KIAA1217: variants seen among roughly 807,000 people sequenced by gnomAD.
The protein encoded by KIAA1217 is sickle tail protein homolog.
In KIAA1217, 88 loss-of-function variants were observed where a neutral mutation model predicts 163.9. The ratio of observed to expected loss-of-function variants is 0.54; its 90% confidence interval spans 0.45 to 0.64. The LOEUF (loss-of-function observed/expected upper bound fraction) is 0.64. KIAA1217 is among the 30% of genes least tolerant of loss of function. The pLI, the probability that KIAA1217 is intolerant of heterozygous loss-of-function variation, is 0.00. For synonymous variants in KIAA1217, 903 were observed against 923.1 expected (o/e 0.98, Z 0.39); for missense variants, 2,372 against 2,475.0 (o/e 0.96, Z 0.88).
chr10:24,177,258 CATATATATATATATATATATATATAT>C lies in KIAA1217; in HGVS notation c.-170-42353_-170-42328del, dbSNP rs1210930891. Among the ~76,000 whole-genome samples, 3 of 25,146 alleles carry C rather than the reference CATATATATATATATATATATATATAT, an allele frequency of 1.2e-4. 1 individual carries two copies. The allele number at this position is 25,146 out of a possible 152,430, so 16.5% of individuals were successfully genotyped here. A position where few individuals can be genotyped will look rare whatever the true frequency, so the allele number is the denominator to read the frequency against. On this transcript the variant is annotated intron_variant, in intron 2 of 18. Transcript: ENST00000376462. ...CTAGCACGTTTTCACCTCTCACCAT[CATATATATATATATATATATATATAT>C]ATATATATATATATTACAATTTCTT...
intron 3 of KIAA1217, among the ~76,000 whole-genome samples, chr10:24,423,935 T>A (rs16924739): frequency 6.6e-6 from 1 of 152,156 alleles, no homozygotes; most frequent in Non-Finnish European, 1.5e-5. Flanking sequence ...AAGTCTTACA[T>A]TGTCCTCAAG....
chr10:24,068,150 C>G (rs1330634251), intron 2 of KIAA1217, among the ~76,000 whole-genome samples: 1 of 152,166 alleles, frequency 6.6e-6, no homozygotes, highest in Non-Finnish European at 1.5e-5. Context: ...ACCCACTGTC[C>G]TGCACCCACT....
Position 24,531,884 on chromosome 10 carries a change from C to T in KIAA1217, c.3137C>T (p.Pro1046Leu). The T allele has an allele frequency of 6.2e-7, 1 of 1,608,654 alleles. No homozygotes were observed. The highest frequency in any genetic ancestry group is 1.1e-5 in the South Asian group (1 of 90,086). Residue 1046 changes from proline to leucine, a missense_variant, in exon 15 of 21, where the codon CCT becomes CTT. Physicochemically the swap from Pro to Leu is moderately conservative, Grantham distance 98. Transcript: ENST00000376454. ...GAAAAGCTGGGGGGAAAGTCGCCCC[C>T]TCCTCCTCCGCCACCTCCTCGTCGA... ...DLEKLGGKSP[P>L]PPPPPPRRSY...
At chr10:23,813,547 A>G (rs1291786624) in intron 1 of KIAA1217, among the ~76,000 whole-genome samples, 1 of 152,124 alleles carries the variant, frequency 6.6e-6, no homozygotes, top group Non-Finnish European at 1.5e-5. Flanking sequence ...ATTATTCAAA[A>G]TATTTGGAAA....
chr10:23,718,069 A>G (rs891462184), intron 1 of KIAA1217, among the ~76,000 whole-genome samples: 1 of 152,196 alleles, frequency 6.6e-6, no homozygotes, highest in African/African-American at 2.4e-5. Context: ...TAGCTTACTT[A>G]GCTTATGATT....
chr10:24,172,445 C>A lies in KIAA1217; in HGVS notation c.-170-47181C>A, dbSNP rs536723351. On this transcript the variant is annotated intron_variant, in intron 2 of 18. Coordinates refer to the KIAA1217 transcript ENST00000376462. ...GTCCCTAAGAGCACAAAAACCAGAGCCAAATTCTCTGGGTTCGGGTCTTGA... is the reference window on the plus strand; with the variant it reads ...GTCCCTAAGAGCACAAAAACCAGAGACAAATTCTCTGGGTTCGGGTCTTGA... Among the ~76,000 whole-genome samples the A allele has an allele frequency of 3.9e-5, 6 of 152,266 alleles. No homozygotes were observed. The East Asian group carries it at 7.7e-4, about 20-fold the overall frequency.
intron 1 of KIAA1217, among the ~76,000 whole-genome samples, chr10:23,702,441 G>C (rs1170982120): frequency 1.3e-5 from 2 of 152,160 alleles, no homozygotes; most frequent in African/African-American, 4.8e-5. Flanking sequence ...AACATTATAT[G>C]TGGAATGTAG....
intron 1 of KIAA1217, among the ~76,000 whole-genome samples, chr10:23,791,389 G>T (rs1248085506): frequency 6.6e-6 from 1 of 151,990 alleles, no homozygotes; most frequent in African/African-American, 2.4e-5. Context: ...TCTCATCACA[G>T]TGAGTTATTT....
chr10:24,174,087 C>G (rs909757060), intron 2 of KIAA1217, among the ~76,000 whole-genome samples: 1 of 152,206 alleles, frequency 6.6e-6, no homozygotes, highest in Non-Finnish European at 1.5e-5. Context: ...CTCCTGACTT[C>G]CGGAGAAGGG....
At position 23,830,406 on chromosome 10, in the gene KIAA1217, G is replaced by A. The variant is rs145365946; in HGVS notation, c.-321+135172G>A. On this transcript the variant is annotated intron_variant, in intron 1 of 18. Coordinates refer to the KIAA1217 transcript ENST00000376462. The stretch of plus-strand genomic sequence containing the variant: ...GACACAATCTTGATAAAAGACGACC[G>A]TGTCCAGGGCTCTCTGAGAAGAATT... 7.0e-3 allele frequency among the ~76,000 whole-genome samples: 1,071 copies of A among 152,222 alleles called. 8 individuals carry two copies. The highest frequency in any genetic ancestry group is 0.024 in the African/African-American group (985 of 41,534).
intron 3 of KIAA1217, 26 bp from the exon 4 acceptor site, chr10:24,432,969 C>G (rs763253016): frequency 1.7e-5 from 28 of 1,602,422 alleles, no homozygotes; most frequent in Non-Finnish European, 2.3e-5. Context: ...TGACCTGTGA[C>G]TAATAACTGT....
chr10:24,220,600 A>C (rs1249800595), intron 2 of KIAA1217, among the ~76,000 whole-genome samples: 2 of 151,088 alleles, frequency 1.3e-5, no homozygotes, highest in Non-Finnish European at 3.0e-5. Context: ...GACTACAGGC[A>C]CTGGCCACCA....
intron 2 of KIAA1217, among the ~76,000 whole-genome samples, chr10:24,340,507 A>C (rs940933074): frequency 6.6e-6 from 1 of 152,164 alleles, no homozygotes; most frequent in Non-Finnish European, 1.5e-5. Flanking sequence ...TTCTTTAGAA[A>C]TTACCCAGTC....
intron 1 of KIAA1217, among the ~76,000 whole-genome samples, chr10:23,841,510 C>G (rs537170971): frequency 6.6e-6 from 1 of 152,210 alleles, no homozygotes; most frequent in South Asian, 2.1e-4. Flanking sequence ...AATGATCTGA[C>G]TGATGTTTAC....
chr10:24,486,462 T>G (rs933768237), intron 6 of KIAA1217, among the ~76,000 whole-genome samples: 1 of 152,196 alleles, frequency 6.6e-6, no homozygotes, highest in Non-Finnish European at 1.5e-5. Context: ...ATAAATGATT[T>G]GATTCCCCTC....
chr10:23,987,184 G>A (rs990857060), intron 1 of KIAA1217, among the ~76,000 whole-genome samples: 3 of 151,570 alleles, frequency 2.0e-5, no homozygotes, highest in Non-Finnish European at 4.4e-5. Flanking sequence ...GAGACCATCC[G>A]GGCTAACATG....
chr10:24,261,263 T>G (rs1420295508), intron 2 of KIAA1217, among the ~76,000 whole-genome samples: 1 of 152,122 alleles, frequency 6.6e-6, no homozygotes, highest in Non-Finnish European at 1.5e-5. Flanking sequence ...TCTGGGAGGC[T>G]GAGGCAGGTG....
intron 2 of KIAA1217, among the ~76,000 whole-genome samples, chr10:24,146,371 A>G (rs1252333144): frequency 6.6e-6 from 1 of 152,250 alleles, no homozygotes; most frequent in Non-Finnish European, 1.5e-5. Context: ...AATATCTGGA[A>G]GAGAATCCAG....
At chr10:24,398,983 A>G (rs768431043) in intron 3 of KIAA1217, among the ~76,000 whole-genome samples, 19 of 152,106 alleles carry the variant, frequency 1.2e-4, no homozygotes, top group Non-Finnish European at 1.9e-4. Context: ...CTACCTGACC[A>G]TCACCTGATG....
Sources: gnomAD v4.1 joint callset for allele counts (sites outside exome capture counted in the v4.1 genomes callset) on GRCh38, gnomAD v4.1.1 for gene constraint, MANE v1.5 for transcripts, NCBI Gene and HGNC (gene_info 2026-07-23, HGNC 2026-07-21) for gene names.